Variants in KTN1 observed in about 807,000 individuals in gnomAD.
The protein encoded by KTN1 is kinectin.
In KTN1, 130 loss-of-function variants were observed where a neutral mutation model predicts 222.5. The ratio of observed to expected loss-of-function variants is 0.58; its 90% confidence interval spans 0.51 to 0.68. KTN1 has a LOEUF of 0.68. Ranked by LOEUF, KTN1 falls within the 30% of genes least tolerant of loss-of-function variation. KTN1 has a pLI of 0.00. For missense variants in KTN1, 1,508 were observed against 1,500.4 expected (o/e 1.01, Z -0.08); for synonymous variants, 512 against 496.3 (o/e 1.03, Z -0.42).
intron 12 of KTN1, 147 bp from the exon 13 acceptor site, chr14:55,639,037 CT>C: frequency 1.9e-6 from 1 of 519,842 alleles, no homozygotes; most frequent in Non-Finnish European, 3.5e-6. Flanking sequence ...GATAGTTACT[CT>C]TTATTGAACA....
intron 1 of KTN1, among the ~76,000 whole-genome samples, chr14:55,584,747 A>T (rs148454541): frequency 6.6e-6 from 1 of 152,314 alleles, no homozygotes; most frequent in African/African-American, 2.4e-5. Context: ...CTATGAGGGT[A>T]GGCTTTTTGT....
At chr14:55,630,919 G>A (rs76904560) in intron 7 of KTN1, among the ~76,000 whole-genome samples, 2,066 of 152,236 alleles carry the variant, frequency 0.014, 57 homozygotes, top group African/African-American at 0.047. Flanking sequence ...ATAGGGCTTG[G>A]TGTTAGTGTG....
intron 1 of KTN1, among the ~76,000 whole-genome samples, chr14:55,591,323 T>G (rs1383342275): frequency 6.6e-6 from 1 of 152,224 alleles, no homozygotes; most frequent in East Asian, 1.9e-4. Flanking sequence ...GAGTTGAGAC[T>G]AGAGTGTAGA....
intron 1 of KTN1, among the ~76,000 whole-genome samples, chr14:55,610,326 A>C (rs2140578111): frequency 1.3e-5 from 2 of 152,214 alleles, no homozygotes; most frequent in Non-Finnish European, 2.9e-5. Flanking sequence ...TTTCACGTCC[A>C]GCAAATACGT....
chr14:55,624,433 CAG>C (rs2039537837), intron 5 of KTN1, among the ~76,000 whole-genome samples: 1 of 152,148 alleles, frequency 6.6e-6, no homozygotes, highest in Non-Finnish European at 1.5e-5. Context: ...ATTGTGGTGA[CAG>C]TGGTTTTTGT....
intron 41 of KTN1, among the ~76,000 whole-genome samples, 157 bp downstream of exon 41, chr14:55,676,075 A>T (rs1419590826): frequency 6.6e-6 from 1 of 152,192 alleles, no homozygotes. Flanking sequence ...GTATTTTGGA[A>T]TGAAACGTTT....
intron 2 of KTN1, among the ~76,000 whole-genome samples, chr14:55,615,884 TTCTCTCTTTCTC>T (rs1465508173): frequency 6.7e-6 from 1 of 149,480 alleles, no homozygotes; most frequent in Non-Finnish European, 1.5e-5. Flanking sequence ...TCTTCTTTCT[TTCTCTCTTTCTC>T]TCTCTCTTTT....
chr14:55,675,823 T>G lies in KTN1; in HGVS notation c.3772-12T>G, dbSNP rs199897222. 1.3e-6 allele frequency: 2 copies of G among 1,577,850 alleles called. No individual in the cohort carries two copies. Among genetic ancestry groups the G allele is most frequent in the Non-Finnish European group, 1.7e-6 (2 of 1,147,554 alleles). On this transcript the variant is annotated splice_polypyrimidine_tract_variant and intron_variant, in intron 40 of 43. Coordinates refer to ENST00000395314, the MANE Select transcript of KTN1 (RefSeq NM_001079521.2). ...AAATTAAGTTAATTGTGGTGTTCCT[T>G]TATTTTTACAGTTGAAGGCACAGTT... is the stretch of plus-strand genomic sequence containing the variant.
intron 1 of KTN1, among the ~76,000 whole-genome samples, chr14:55,596,154 C>CAAAAAAAAAAAAAAAAAAAAAAAAGA (rs71448460): frequency 1.6e-5 from 1 of 61,132 alleles, no homozygotes; most frequent in Non-Finnish European, 3.0e-5. Flanking sequence ...GACTCAATAG[C>CAAAAAAAAAAAAAAAAAAAAAAAAGA]AAAAAAAAAA....
intron 25 of KTN1, 96 bp from the exon 26 acceptor site, chr14:55,652,754 G>C (rs945508254): frequency 2.6e-6 from 2 of 757,596 alleles, no homozygotes; most frequent in Non-Finnish European, 4.4e-6. Flanking sequence ...TGGTCTGTGA[G>C]TACTACCCAA....
In KTN1 at chr14:55,670,713, CTT is replaced by C. The variant is rs1566843033; in HGVS notation, c.3268-13_3268-12del. 1.3e-6 allele frequency: 2 copies of C among 1,517,392 alleles called. No individual in the cohort carries two copies. The highest frequency in any genetic ancestry group is 4.8e-5 in the East Asian group (2 of 41,870). The allele number at this position is 1,517,392 out of a possible 1,614,324, so 94.0% of individuals were successfully genotyped here. ...TTTCTTTGGAAATTAATGATTTTAA[CTT>C]TTCTCGTCCACAGAGTTATGGTGAA... On this transcript the variant is annotated splice_polypyrimidine_tract_variant and intron_variant, in intron 34 of 43. Transcript: ENST00000395314.
At chr14:55,664,176 A>G (rs2044450037) in intron 33 of KTN1, 135 bp downstream of exon 33, 4 of 604,022 alleles carry the variant, frequency 6.6e-6, no homozygotes, top group South Asian at 2.5e-5. Context: ...CATCTCTATC[A>G]TCTCTGCTTT....
chr14:55,588,045 C>T (rs1355107559), intron 1 of KTN1, among the ~76,000 whole-genome samples: 1 of 152,130 alleles, frequency 6.6e-6, no homozygotes, highest in Non-Finnish European at 1.5e-5. Flanking sequence ...GGGGCACTAG[C>T]ACCCTGTACA....
chr14:55,597,092 C>A lies in KTN1; in HGVS notation c.-30-14927C>A, dbSNP rs117143048. On this transcript the variant is annotated intron_variant, in intron 1 of 43. Coordinates refer to ENST00000395314, the MANE Select transcript of KTN1 (RefSeq NM_001079521.2). ...AAAAAAATCCAAAGGGAAGAACTCA[C>A]AAGGACCACCTATATAAAGTTATTT... is the stretch of plus-strand genomic sequence containing the variant. Among the ~76,000 whole-genome samples the A allele has an allele frequency of 5.8e-3, 876 of 152,032 alleles. 2 individuals carry two copies. Among genetic ancestry groups the A allele is most frequent in the Non-Finnish European group, 9.5e-3 (646 of 67,982 alleles).
intron 33 of KTN1, 118 bp from the exon 34 acceptor site, chr14:55,667,123 A>C (rs2141274500): frequency 1.6e-6 from 1 of 644,174 alleles, no homozygotes; most frequent in Admixed American, 3.3e-5. Context: ...TAGTATTAAA[A>C]ATTTTTTTTA....
chr14:55,595,846 ATTT>A (rs769190941), intron 1 of KTN1, among the ~76,000 whole-genome samples: 34 of 151,962 alleles, frequency 2.2e-4, no homozygotes, highest in Non-Finnish European at 2.1e-4. Context: ...TATCGGAGTG[ATTT>A]TTTTTAATAG....
intron 23 of KTN1, 59 bp downstream of exon 23, chr14:55,650,477 A>C: frequency 3.1e-5 from 46 of 1,505,330 alleles, no homozygotes; most frequent in Non-Finnish European, 4.0e-5. Flanking sequence ...AGTTAATATC[A>C]TTTAATTTCG....
intron 39 of KTN1, 26 bp downstream of exon 39, chr14:55,673,038 C>A: frequency 6.3e-7 from 1 of 1,577,348 alleles, no homozygotes; most frequent in Non-Finnish European, 8.7e-7. Flanking sequence ...TCTTTTCAAA[C>A]TTGCTTCTCA....
chr14:55,670,555 A>G (rs1447169755), intron 34 of KTN1, among the ~76,000 whole-genome samples, 174 bp from the exon 35 acceptor site: 1 of 152,038 alleles, frequency 6.6e-6, no homozygotes, highest in African/African-American at 2.4e-5. Flanking sequence ...AAAGTGGGTT[A>G]TGTCCAACTT....
Sources: gnomAD v4.1 joint callset for allele counts (sites outside exome capture counted in the v4.1 genomes callset) on GRCh38, gnomAD v4.1.1 for gene constraint, MANE v1.5 for transcripts, NCBI Gene and HGNC (gene_info 2026-07-23, HGNC 2026-07-21) for gene names.